The following EBF3 variants were observed in gnomAD, a reference collection of about 807,000 sequenced individuals.
EBF3 encodes the protein transcription factor COE3.
In EBF3, 18 loss-of-function variants were observed where a neutral mutation model predicts 77.1. The ratio of observed to expected loss-of-function variants is 0.23; its 90% CI spans 0.16 to 0.35. The LOEUF is 0.35. Among genes scored for constraint, EBF3 ranks in the 10% least tolerant of loss-of-function variants. The pLI is 1.00. For missense variants in EBF3, 558 were observed against 860.0 expected (o/e 0.65, Z 4.39); for synonymous variants, 350 against 343.5 (o/e 1.02, Z -0.21).
intron 7 of EBF3, among the ~76,000 whole-genome samples, chr10:129,874,939 G>A (rs902439885): frequency 6.6e-6 from 1 of 151,960 alleles, no homozygotes; most frequent in African/African-American, 2.4e-5. Context: ...GGCGCACGGG[G>A]GTACACGGGC....
rs1849627508 is a variant in EBF3, at chr10:129,836,650, A to T, written c.*1293T>A. The T allele has an allele frequency of 6.6e-6, 1 of 152,566 alleles. No homozygotes were observed. The highest frequency in any genetic ancestry group is 1.5e-5 in the Non-Finnish European group (1 of 68,034). 9.5% of individuals were successfully genotyped at this position (152,566 alleles called of 1,614,324 possible). ...ACAATAGCATATTTTTTGAAGTACA[A>T]ATGAAATGTAAAGACACTGGTTCAG... is the stretch of plus-strand genomic sequence containing the variant. On this transcript the variant is annotated 3_prime_UTR_variant, in exon 17 of 17. Transcript: ENST00000440978.
At chr10:129,839,228 T>C (rs758920156) in intron 15 of EBF3, 33 bp from the exon 16 acceptor site, 1 of 990,770 alleles carries the variant, frequency 1.0e-6, no homozygotes, top group South Asian at 1.3e-5. Flanking sequence ...TAAATACTGG[T>C]TGAATGGGTT....
chr10:129,843,240 A>C, intron 11 of EBF3, 38 bp from the exon 12 acceptor site: 2 of 1,586,188 alleles, frequency 1.3e-6, no homozygotes, highest in South Asian at 1.1e-5. Flanking sequence ...TCATGGGAGG[A>C]ACCGGCCAGT....
chr10:129,964,161 G>T lies in EBF3; in HGVS notation c.-393C>A, dbSNP rs960593317. On this transcript the variant is annotated 5_prime_UTR_variant, in exon 1 of 17. Coordinates refer to ENST00000440978, the MANE Select transcript of EBF3 (RefSeq NM_001375380.1). The surrounding 1 kb of genome is among the most constrained non-coding windows in gnomAD (Gnocchi z 4.5). ...CCGCCTGCTCCAAAGACAAATAAAC[G>T]GGGCAGTGAGTGCTGCGGCGCAGTC... 4 of 984,840 alleles carry T rather than the reference G, an allele frequency of 4.1e-6. No individual in the cohort carries two copies. The highest frequency in any genetic ancestry group is 6.2e-5 in the Admixed American group (1 of 16,230). 61.0% of individuals were successfully genotyped at this position (984,840 alleles called of 1,614,324 possible). A position where few individuals can be genotyped will look rare whatever the true frequency, so the allele number is the denominator to read the frequency against.
At chr10:129,919,087 T>C (rs1268292566) in intron 6 of EBF3, among the ~76,000 whole-genome samples, 1 of 152,148 alleles carries the variant, frequency 6.6e-6, no homozygotes, top group Non-Finnish European at 1.5e-5. Context: ...CCCGAGGTGC[T>C]TGGGGACAGT....
rs950469236 is a variant in EBF3 at position 129,879,224 on chromosome 10, G to A, written c.555-1375C>T. Among the ~76,000 whole-genome samples the A allele has an allele frequency of 1.3e-5, 2 of 152,150 alleles. No homozygotes were observed. Among genetic ancestry groups the A allele is most frequent in the East Asian group, 3.9e-4 (2 of 5,192 alleles). ...CCCTGTATAACCTCTGCCTCAACTTGAAAAGGCCACAACCAAGAGGTCCCA... is the reference window on the plus strand; with the variant it reads ...CCCTGTATAACCTCTGCCTCAACTTAAAAAGGCCACAACCAAGAGGTCCCA... On this transcript the variant is annotated intron_variant, in intron 6 of 16. Coordinates refer to ENST00000440978, the MANE Select transcript of EBF3 (RefSeq NM_001375380.1). This position sits in a 1 kb window ranked among gnomAD's most constrained non-coding sequence, Gnocchi z 4.7.
intron 6 of EBF3, among the ~76,000 whole-genome samples, chr10:129,936,444 G>A (rs1173503047): frequency 1.3e-5 from 2 of 152,366 alleles, no homozygotes; most frequent in East Asian, 3.9e-4. Flanking sequence ...AGGGATGGGA[G>A]AGGCCCACGG....
intron 11 of EBF3, among the ~76,000 whole-genome samples, chr10:129,845,082 C>T (rs1401517369): frequency 6.6e-6 from 1 of 152,172 alleles, no homozygotes; most frequent in African/African-American, 2.4e-5. Flanking sequence ...TACGTATGCT[C>T]TTATCCTAAT....
chr10:129,857,262 T>C (rs2134019084), intron 10 of EBF3, among the ~76,000 whole-genome samples: 1 of 152,334 alleles, frequency 6.6e-6, no homozygotes, highest in South Asian at 2.1e-4. Flanking sequence ...TGCTGGATTA[T>C]GTGTCTCCTA....
chr10:129,894,158 T>C (rs1247926745), intron 6 of EBF3, among the ~76,000 whole-genome samples: 7 of 152,196 alleles, frequency 4.6e-5, no homozygotes, highest in Non-Finnish European at 8.8e-5. Context: ...AAAGGGAAAA[T>C]CTGTCAAGCT....
rs35249799 is a variant in EBF3 at position 129,842,762 on chromosome 10, TAAAAA to T, written c.1194+370_1194+374del. ...CTGGGTGACAGAGCAAGACCCTGTCTAAAAAAAAAAAAAAAAAAAGGGAGCAACAT... is the reference window on the plus strand; with the variant it reads ...CTGGGTGACAGAGCAAGACCCTGTCTAAAAAAAAAAAAAAGGGAGCAACAT... On this transcript the variant is annotated intron_variant, in intron 12 of 16. Transcript: ENST00000440978. This position sits in a 1 kb window ranked among gnomAD's most constrained non-coding sequence, Gnocchi z 4.4. Among the ~76,000 whole-genome samples, 2 of 112,744 alleles carry T rather than the reference TAAAAA, an allele frequency of 1.8e-5. No homozygotes were observed. The highest frequency in any genetic ancestry group is 2.6e-4 in the East Asian group (1 of 3,808). The allele number at this position is 112,744 out of a possible 152,430, so 74.0% of individuals were successfully genotyped here. A position where few individuals can be genotyped will look rare whatever the true frequency, so the allele number is the denominator to read the frequency against.
rs1217489651 is a variant in EBF3 at position 129,885,399 on chromosome 10, G to A, written c.555-7550C>T. On this transcript the variant is annotated intron_variant, in intron 6 of 16. Transcript: ENST00000440978. This position sits in a 1 kb window ranked among gnomAD's most constrained non-coding sequence, Gnocchi z 4.0. ...AGTACATCCCAGAGCTACAAGCTTC[G>A]TCAGCCACCCCACTCCGCCCGCTGT... is the stretch of plus-strand genomic sequence containing the variant. 3.3e-5 allele frequency among the ~76,000 whole-genome samples: 5 copies of A among 152,132 alleles called. No homozygotes were observed. The highest frequency in any genetic ancestry group is 4.8e-5 in the African/African-American group (2 of 41,418).
At chr10:129,858,022 G>C (rs1283760510) in intron 10 of EBF3, among the ~76,000 whole-genome samples, 2 of 152,250 alleles carry the variant, frequency 1.3e-5, no homozygotes, top group Non-Finnish European at 2.9e-5. Flanking sequence ...CGATGTTGGT[G>C]GACTCTGGGG....
intron 6 of EBF3, among the ~76,000 whole-genome samples, chr10:129,954,117 G>T (rs376663373): frequency 6.6e-6 from 1 of 152,140 alleles, no homozygotes; most frequent in Non-Finnish European, 1.5e-5. Flanking sequence ...ATGTGTGTTT[G>T]TGTGTGTGCA....
At chr10:129,959,591 G>A (rs1859329374) in intron 4 of EBF3, among the ~76,000 whole-genome samples, 1 of 151,168 alleles carries the variant, frequency 6.6e-6, no homozygotes, top group African/African-American at 2.5e-5. Flanking sequence ...GGCGCCCCGC[G>A]GCTTCCCGCG....
chr10:129,934,991 G>A (rs1857259061), intron 6 of EBF3, among the ~76,000 whole-genome samples: 1 of 152,178 alleles, frequency 6.6e-6, no homozygotes, highest in African/African-American at 2.4e-5. Flanking sequence ...GGCCTACTGT[G>A]TACCTGGTGG....
intron 6 of EBF3, among the ~76,000 whole-genome samples, chr10:129,945,133 A>AGGGAG (rs1477727754): frequency 3.2e-5 from 1 of 30,842 alleles, no homozygotes; most frequent in African/African-American, 1.2e-4. Context: ...AGGGAGGGGC[A>AGGGAG]GGGAGGGGAG....
intron 6 of EBF3, among the ~76,000 whole-genome samples, chr10:129,888,069 C>T (rs972971400): frequency 1.2e-4 from 18 of 152,208 alleles, no homozygotes; most frequent in African/African-American, 4.3e-4. Context: ...GAGAAAAGGA[C>T]TTGAATTTCT....
intron 10 of EBF3, among the ~76,000 whole-genome samples, chr10:129,865,228 C>T (rs1179877246): frequency 6.6e-6 from 1 of 152,224 alleles, no homozygotes; most frequent in African/African-American, 2.4e-5. Flanking sequence ...TGACATCTCG[C>T]CTTTCCCAGG....
Sources: allele counts gnomAD v4.1 joint callset (sites outside exome capture counted in the v4.1 genomes callset), GRCh38; gene constraint gnomAD v4.1.1; non-coding constraint Gnocchi (gnomAD v3.1); transcripts MANE v1.5; gene names NCBI Gene and HGNC (gene_info 2026-07-23, HGNC 2026-07-21).